The following CFAP206 variants were observed in gnomAD, a reference collection of about 807,000 sequenced individuals.
CFAP206 encodes the protein cilia and flagella associated protein 206, also known as cilia- and flagella-associated protein 206.
Under a neutral mutation model 65.4 loss-of-function variants are expected in CFAP206, and 53 were observed. The ratio of observed to expected loss-of-function variants is 0.81; its 90% CI spans 0.65 to 1.02. The LOEUF (loss-of-function observed/expected upper bound fraction) is 1.02. Ranked by LOEUF, CFAP206 falls within the 50% of genes least tolerant of loss-of-function variation. The pLI is 0.00. For missense variants in CFAP206, 663 were observed against 753.2 expected, an observed-to-expected ratio of 0.88 and a Z score of 1.40; for synonymous variants, 250 against 254.4, an observed-to-expected ratio of 0.98 and a Z score of 0.17.
At chr6:87,450,076 T>C (rs1245033169) in intron 11 of CFAP206, among the ~76,000 whole-genome samples, 1 of 152,240 alleles carries the variant, frequency 6.6e-6, no homozygotes, top group Non-Finnish European at 1.5e-5. Context: ...TTGAGGAGAC[T>C]GTCCTTTCTC....
chr6:87,409,745 A>G (rs187143045), intron 1 of CFAP206, 90 bp from the exon 2 acceptor site: 12 of 802,192 alleles, frequency 1.5e-5, no homozygotes, highest in African/African-American at 1.1e-4. Context: ...ATGACTGTTT[A>G]CAAATACAAT....
At chr6:87,425,601 T>C (rs191670150) in intron 7 of CFAP206, among the ~76,000 whole-genome samples, 1 of 152,340 alleles carries the variant, frequency 6.6e-6, no homozygotes. Context: ...ATGCTTATTA[T>C]GTAAAGACAG....
At chr6:87,420,963 C>T (rs1767930888) in intron 7 of CFAP206, among the ~76,000 whole-genome samples, 1 of 152,106 alleles carries the variant, frequency 6.6e-6, no homozygotes, top group South Asian at 2.1e-4. Flanking sequence ...CCCCATCAGT[C>T]TTAGTGACAA....
At chr6:87,417,256 C>T (rs891170960) in intron 6 of CFAP206, among the ~76,000 whole-genome samples, 1 of 152,076 alleles carries the variant, frequency 6.6e-6, no homozygotes, top group East Asian at 1.9e-4. Context: ...AATTCGGGGG[C>T]ATTTACTTTG....
At chr6:87,451,851 G>A (rs569889834) in intron 11 of CFAP206, among the ~76,000 whole-genome samples, 7 of 149,236 alleles carry the variant, frequency 4.7e-5, no homozygotes, top group African/African-American at 9.8e-5. Context: ...CAGCCTGGGC[G>A]ACAGAGCGAG....
chr6:87,422,245 T>C (rs1767953648), intron 7 of CFAP206, among the ~76,000 whole-genome samples: 1 of 147,164 alleles, frequency 6.8e-6, no homozygotes. Flanking sequence ...GGTCAGGAGT[T>C]CAAGACCAGC....
In CFAP206 at chr6:87,408,445, G is replaced by GCGGCGCGCATGCGCACACAGATC. The variant is rs1767665324; in HGVS notation, c.-6+360_-6+382dup. The GCGGCGCGCATGCGCACACAGATC allele has an allele frequency of 2.6e-5, 4 of 152,276 alleles. 1 individual carries two copies. The highest frequency in any genetic ancestry group is 4.8e-5 in the African/African-American group (2 of 41,458). 9.4% of individuals were successfully genotyped at this position (152,276 alleles called of 1,614,324 possible). A position where few individuals can be genotyped will look rare whatever the true frequency, so the allele number is the denominator to read the frequency against. The stretch of plus-strand genomic sequence containing the variant: ...GAGCCGCGTCCCTAGCGACCCGGCA[G>GCGGCGCGCATGCGCACACAGATC]CGGCGCGCATGCGCACACAGATCCG... On this transcript the variant is annotated intron_variant, in intron 1 of 12. Transcript: ENST00000369562.
In CFAP206 at chr6:87,421,283, C is replaced by T. The variant is rs9362429; in HGVS notation, c.840+2867C>T. ...GGCAGATCACCTGAGGTCAGAAGTT[C>T]GAGACCAGCCTGGCCAACATGGTGA... On this transcript the variant is annotated intron_variant, in intron 7 of 12. Transcript: ENST00000369562. Among the ~76,000 whole-genome samples the T allele has an allele frequency of 8.5e-5, 13 of 152,200 alleles. No individual in the cohort carries two copies. In the East Asian group the frequency reaches 2.1e-3, roughly 25 times the overall value.
chr6:87,441,901 G>A, intron 11 of CFAP206: 1 of 307,856 alleles, frequency 3.2e-6, no homozygotes. Flanking sequence ...GCAAAAGTTG[G>A]TCCCATATGT....
At chr6:87,424,859 T>C (rs1031758795) in intron 7 of CFAP206, among the ~76,000 whole-genome samples, 1 of 152,212 alleles carries the variant, frequency 6.6e-6, no homozygotes, top group African/African-American at 2.4e-5. Flanking sequence ...TTAATCCTTA[T>C]TTTAAGGTAA....
chr6:87,460,459 T>G (rs1238414183), intron 11 of CFAP206, among the ~76,000 whole-genome samples: 1 of 152,206 alleles, frequency 6.6e-6, no homozygotes, highest in Non-Finnish European at 1.5e-5. Context: ...TTATCAGTTG[T>G]GCAAAGTGGG....
rs1258041268 is a variant in CFAP206, at chr6:87,428,745, C to T, written c.1080C>T (p.Tyr360=). The change falls in exon 9 of 13, where the codon TAC becomes TAT. Residue 360 remains tyrosine, a synonymous_variant. Transcript: ENST00000369562. ...CATTCTTGGGTGCTCACGAACTATA[C>T]TTTCCTGAGAGAGTGATGCAATGTC... The part of the protein sequence containing the change: ...IQPFLGAHEL[Y]FPERVMQCHL... 1 of 1,614,102 alleles carries T rather than the reference C, an allele frequency of 6.2e-7. No homozygotes were observed. The highest frequency in any genetic ancestry group is 8.5e-7 in the Non-Finnish European group (1 of 1,179,978).
intron 9 of CFAP206, among the ~76,000 whole-genome samples, chr6:87,429,119 G>T (rs1250865553): frequency 2.0e-5 from 3 of 152,044 alleles, no homozygotes; most frequent in East Asian, 3.9e-4. Flanking sequence ...CCAGCTACTG[G>T]GGAGGCTAAG....
intron 11 of CFAP206, among the ~76,000 whole-genome samples, chr6:87,447,582 G>A (rs6908655): frequency 0.011 from 1,664 of 152,228 alleles, 37 homozygotes; most frequent in African/African-American, 0.038. Context: ...GTTTGCATCA[G>A]GATTGCATTG....
At chr6:87,424,297 T>G (rs1350906486) in intron 7 of CFAP206, among the ~76,000 whole-genome samples, 1 of 152,232 alleles carries the variant, frequency 6.6e-6, no homozygotes, top group Non-Finnish European at 1.5e-5. Context: ...TTTATTTTTT[T>G]GGGACAGAGT....
chr6:87,411,272 T>C (rs956285403), intron 3 of CFAP206, among the ~76,000 whole-genome samples: 1 of 152,258 alleles, frequency 6.6e-6, no homozygotes, highest in African/African-American at 2.4e-5. Flanking sequence ...TAATTTGCAT[T>C]TCTCTAATGC....
intron 6 of CFAP206, among the ~76,000 whole-genome samples, chr6:87,417,066 A>T (rs568994632): frequency 6.6e-6 from 1 of 152,220 alleles, no homozygotes; most frequent in Admixed American, 6.5e-5. Context: ...AGTGAAAGCA[A>T]TGAAGGGTCC....
intron 11 of CFAP206, among the ~76,000 whole-genome samples, chr6:87,456,114 TACTA>T (rs1768637528): frequency 6.6e-6 from 1 of 152,118 alleles, no homozygotes; most frequent in Non-Finnish European, 1.5e-5. Flanking sequence ...CTTAACAAAA[TACTA>T]ACAAACTGAA....
intron 7 of CFAP206, among the ~76,000 whole-genome samples, chr6:87,418,750 G>T (rs1767881984): frequency 6.6e-6 from 1 of 152,158 alleles, no homozygotes; most frequent in Non-Finnish European, 1.5e-5. Flanking sequence ...GCAGGTAGTT[G>T]CCTTTCAAAT....
Sources: gnomAD v4.1 joint callset for allele counts (sites outside exome capture counted in the v4.1 genomes callset) on GRCh38, gnomAD v4.1.1 for gene constraint, MANE v1.5 for transcripts, NCBI Gene and HGNC (gene_info 2026-07-23, HGNC 2026-07-21) for gene names.